The following PTN variants were observed in gnomAD, a reference collection of about 807,000 sequenced individuals.
PTN encodes heparin affin regulatory protein.
A neutral mutation model predicts 24.1 loss-of-function variants in PTN; 18 were observed. The ratio of observed to expected loss-of-function variants is 0.75; its 90% CI spans 0.52 to 1.11. The LOEUF (loss-of-function observed/expected upper bound fraction) is 1.11, where lower values mean the gene tolerates loss of function less well. Ranked by LOEUF, PTN falls within the 50% of genes least tolerant of loss-of-function variation. PTN has a pLI of 0.00. For missense variants in PTN, 163 were observed against 198.8 expected, an observed-to-expected ratio of 0.82 and a Z score of 1.08; for synonymous variants, 78 against 68.6, an observed-to-expected ratio of 1.14 and a Z score of -0.67.
chr7:137,310,646 C>T (rs1251202367), intron 1 of PTN, among the ~76,000 whole-genome samples: 5 of 151,974 alleles, frequency 3.3e-5, no homozygotes, highest in East Asian at 3.9e-4. Flanking sequence ...CCTCATGATC[C>T]GCCTGTCTCA....
At chr7:137,255,825 T>G (rs1031604200) in intron 1 of PTN, among the ~76,000 whole-genome samples, 2 of 152,166 alleles carry the variant, frequency 1.3e-5, no homozygotes, top group Non-Finnish European at 2.9e-5. Context: ...CAGTCCAAGC[T>G]CCAGGACGAC....
At chr7:137,228,124 A>G (rs1451944242) in intron 4 of PTN, 49 bp from the exon 5 acceptor site, 1 of 1,205,486 alleles carries the variant, frequency 8.3e-7, no homozygotes, top group East Asian at 2.3e-5. Flanking sequence ...GAAAAATGTC[A>G]AGTTACTAAA....
At chr7:137,284,056 T>C (rs963978927) in intron 1 of PTN, among the ~76,000 whole-genome samples, 43 of 133,422 alleles carry the variant, frequency 3.2e-4, no homozygotes, top group Non-Finnish European at 5.4e-4. Flanking sequence ...AAGCTCCGCC[T>C]CCCGGGTTGA....
At chr7:137,258,077 T>C (rs1808966807) in intron 1 of PTN, among the ~76,000 whole-genome samples, 1 of 152,222 alleles carries the variant, frequency 6.6e-6, no homozygotes, top group African/African-American at 2.4e-5. Flanking sequence ...TGTTAAACTC[T>C]TGTTTTCATC....
chr7:137,314,776 G>A (rs572681123), intron 1 of PTN, among the ~76,000 whole-genome samples: 71 of 151,866 alleles, frequency 4.7e-4, no homozygotes, highest in African/African-American at 1.7e-3. Flanking sequence ...TGTATTTTTA[G>A]TATAGACGGG....
chr7:137,316,647 A>G (rs902459723), intron 1 of PTN, among the ~76,000 whole-genome samples: 1 of 152,142 alleles, frequency 6.6e-6, no homozygotes, highest in Non-Finnish European at 1.5e-5. Context: ...AAGAGAGTGG[A>G]GATTACTTTC....
At chr7:137,330,069 C>T (rs1313928032) in intron 1 of PTN, among the ~76,000 whole-genome samples, 1 of 152,044 alleles carries the variant, frequency 6.6e-6, no homozygotes, top group African/African-American at 2.4e-5. Context: ...GGTGGATCAC[C>T]TGAGGTCAGG....
intron 4 of PTN, among the ~76,000 whole-genome samples, chr7:137,239,140 G>A (rs749888071): frequency 1.3e-5 from 2 of 152,082 alleles, no homozygotes; most frequent in Non-Finnish European, 2.9e-5. Flanking sequence ...CAGCAATTAG[G>A]ACCAAAAATT....
chr7:137,338,116 G>C (rs1180418542), intron 1 of PTN, among the ~76,000 whole-genome samples: 1 of 152,064 alleles, frequency 6.6e-6, no homozygotes, highest in Non-Finnish European at 1.5e-5. Flanking sequence ...TCCACCTAGA[G>C]GGGGCATTTG....
At chr7:137,295,060 C>T (rs1248464062) in intron 1 of PTN, among the ~76,000 whole-genome samples, 1 of 152,092 alleles carries the variant, frequency 6.6e-6, no homozygotes. Flanking sequence ...TAGTCACTAG[C>T]CACTTGTGGC....
chr7:137,340,790 A>G (rs73730319), intron 1 of PTN, among the ~76,000 whole-genome samples: 4,703 of 152,322 alleles, frequency 0.031, 234 homozygotes, highest in African/African-American at 0.11. Context: ...TGCTCCAGAG[A>G]AAAGCACATC....
intron 1 of PTN, among the ~76,000 whole-genome samples, chr7:137,320,255 C>A (rs562345452): frequency 2.2e-4 from 34 of 152,290 alleles, no homozygotes; most frequent in Non-Finnish European, 3.7e-4. Flanking sequence ...TGTCTCTTCC[C>A]AATGCTCATA....
rs561704023 is a variant in PTN at position 137,327,868 on chromosome 7, T to C, written c.-2+15571A>G. 6.6e-5 allele frequency among the ~76,000 whole-genome samples: 10 copies of C among 152,302 alleles called. No individual in the cohort carries two copies. The East Asian group carries it at 1.9e-3, about 29-fold the overall frequency. On this transcript the variant is annotated intron_variant, in intron 1 of 4. Coordinates refer to ENST00000348225, the MANE Select transcript of PTN (RefSeq NM_002825.7). ...TGGAACATGCCCAGTGTCTCAGATA[T>C]TCTATTGATTAAAAATCCTTGACAA...
chr7:137,285,303 C>T (rs1340709334), intron 1 of PTN, among the ~76,000 whole-genome samples: 4 of 152,034 alleles, frequency 2.6e-5, no homozygotes, highest in African/African-American at 7.3e-5. Flanking sequence ...ACTATGAAGC[C>T]GGAACTAACA....
chr7:137,272,763 T>C (rs1419053937), intron 1 of PTN, among the ~76,000 whole-genome samples: 4 of 152,192 alleles, frequency 2.6e-5, no homozygotes, highest in Admixed American at 2.0e-4. Context: ...ATTATAATTG[T>C]AATACATAAA....
At chr7:137,315,563 T>C (rs951058519) in intron 1 of PTN, among the ~76,000 whole-genome samples, 1 of 152,070 alleles carries the variant, frequency 6.6e-6, no homozygotes, top group Non-Finnish European at 1.5e-5. Flanking sequence ...AGTTGGGACA[T>C]TGTTTGGAAA....
intron 1 of PTN, among the ~76,000 whole-genome samples, chr7:137,260,798 A>G (rs560648253): frequency 4.6e-5 from 7 of 152,328 alleles, no homozygotes; most frequent in Admixed American, 2.6e-4. Flanking sequence ...AGGAGCTACA[A>G]AATATTTGGG....
chr7:137,293,996 G>A (rs1257122024), intron 1 of PTN, among the ~76,000 whole-genome samples: 5 of 152,170 alleles, frequency 3.3e-5, no homozygotes, highest in South Asian at 2.1e-4. Context: ...AGCAAAAAAT[G>A]TTGATGGAGT....
chr7:137,241,192 C>T (rs1808622771), intron 4 of PTN, among the ~76,000 whole-genome samples: 1 of 152,182 alleles, frequency 6.6e-6, no homozygotes, highest in African/African-American at 2.4e-5. Context: ...GATACAATCA[C>T]CTCCCACCAG....
Sources: allele counts gnomAD v4.1 joint callset (sites outside exome capture counted in the v4.1 genomes callset), GRCh38; gene constraint gnomAD v4.1.1; transcripts MANE v1.5; gene names NCBI Gene and HGNC (gene_info 2026-07-23, HGNC 2026-07-21).